The following PRKG1 variants were observed in gnomAD, a reference collection of about 807,000 sequenced individuals.
The protein encoded by PRKG1 is protein kinase cGMP-dependent 1, also known as cGMP-dependent protein kinase 1.
PRKG1 carries 35 observed loss-of-function variants against 88.1 expected under a neutral mutation model. The ratio of observed to expected loss-of-function variants is 0.40; its 90% confidence interval spans 0.30 to 0.53. The LOEUF is 0.53. PRKG1 is among the 20% of genes least tolerant of loss of function. PRKG1 has a pLI of 0.59. For synonymous variants in PRKG1, 303 were observed against 292.5 expected (o/e 1.04, Z -0.37); for missense variants, 540 against 839.8 (o/e 0.64, Z 4.41).
At chr10:52,084,169 T>C (rs1904022) in intron 7 of PRKG1, among the ~76,000 whole-genome samples, 6,982 of 152,096 alleles carry the variant, frequency 0.046, 337 homozygotes, top group East Asian at 0.28. Context: ...GCATTTAAAA[T>C]GCTTGATAGG....
At chr10:51,540,041 A>T (rs917717927) in intron 3 of PRKG1, among the ~76,000 whole-genome samples, 62 of 152,160 alleles carry the variant, frequency 4.1e-4, no homozygotes, top group African/African-American at 1.5e-3. Flanking sequence ...CTTCTCAGTT[A>T]CCTGATGTTT....
At chr10:51,248,473 T>C (rs925658607) in intron 2 of PRKG1, among the ~76,000 whole-genome samples, 1 of 151,876 alleles carries the variant, frequency 6.6e-6, no homozygotes, top group Non-Finnish European at 1.5e-5. Context: ...GATATTATAT[T>C]CAACTTCACA....
At chr10:51,743,841 A>T (rs1028067261) in intron 3 of PRKG1, among the ~76,000 whole-genome samples, 1 of 147,716 alleles carries the variant, frequency 6.8e-6, no homozygotes, top group African/African-American at 2.5e-5. Context: ...AGCAAATGTA[A>T]CAGAAAGACT....
At chr10:51,296,439 T>A (rs1840722177) in intron 2 of PRKG1, among the ~76,000 whole-genome samples, 1 of 152,258 alleles carries the variant, frequency 6.6e-6, no homozygotes, top group East Asian at 1.9e-4. Flanking sequence ...TTTATTTATT[T>A]CCTTTAGGTT....
chr10:51,586,713 G>A lies in PRKG1; in HGVS notation c.592+118877G>A, dbSNP rs191832686. On this transcript the variant is annotated intron_variant, in intron 3 of 17. Transcript: ENST00000373980. ...ATAAGTTTTTTACTGATGACAGAGA[G>A]TATCTGTGCTATTTTTCCTACTGTC... 1.2e-4 allele frequency among the ~76,000 whole-genome samples: 19 copies of A among 152,220 alleles called. No individual in the cohort carries two copies. The South Asian group carries it at 2.5e-3, about 20-fold the overall frequency.
At chr10:51,228,852 G>A (rs985396669) in intron 2 of PRKG1, among the ~76,000 whole-genome samples, 2 of 152,244 alleles carry the variant, frequency 1.3e-5, no homozygotes, top group East Asian at 1.9e-4. Context: ...AAAGCCCTAC[G>A]TGGCCTGGAT....
At chr10:51,255,937 G>T (rs1839547075) in intron 2 of PRKG1, among the ~76,000 whole-genome samples, 1 of 152,020 alleles carries the variant, frequency 6.6e-6, no homozygotes, top group African/African-American at 2.4e-5. Context: ...TGCAGATGAG[G>T]GAAATAAGGG....
chr10:51,615,869 G>T (rs1366723776), intron 3 of PRKG1, among the ~76,000 whole-genome samples: 1 of 151,800 alleles, frequency 6.6e-6, no homozygotes, highest in Admixed American at 6.6e-5. Context: ...TCATTTAGTG[G>T]TGTCATATTT....
intron 2 of PRKG1, among the ~76,000 whole-genome samples, chr10:51,380,965 T>A (rs147326812): frequency 5.9e-5 from 9 of 152,192 alleles, no homozygotes; most frequent in African/African-American, 1.7e-4. Flanking sequence ...CAGACACCCA[T>A]CTTGCAAGAC....
chr10:51,570,067 A>ATATATATATATATATATATG lies in PRKG1; in HGVS notation c.592+102232_592+102233insATATATATATATATATATGT, dbSNP rs1491310201. Among the ~76,000 whole-genome samples, 488 of 112,982 alleles carry ATATATATATATATATATATG rather than the reference A, an allele frequency of 4.3e-3. 11 individuals carry two copies. The highest frequency in any genetic ancestry group is 0.013 in the African/African-American group (371 of 27,714). 74.1% of individuals were successfully genotyped at this position (112,982 alleles called of 152,430 possible). A position where few individuals can be genotyped will look rare whatever the true frequency, so the allele number is the denominator to read the frequency against. Reference sequence around the variant, plus strand: ...CAAACTAGTATATATATATATATATATGTGTGTGTGTGTTTATATATGTAT... The same window carrying ATATATATATATATATATATG: ...CAAACTAGTATATATATATATATATATATATATATATATATATATGTGTGTGTGTGTGTTTATATATGTAT... On this transcript the variant is annotated intron_variant, in intron 3 of 17. Transcript: ENST00000373980.
chr10:51,199,426 A>G (rs1238727976), intron 2 of PRKG1, among the ~76,000 whole-genome samples: 1 of 152,214 alleles, frequency 6.6e-6, no homozygotes, highest in African/African-American at 2.4e-5. Flanking sequence ...TTCCAGGTTT[A>G]TATGTGAATT....
intron 2 of PRKG1, among the ~76,000 whole-genome samples, chr10:51,262,063 T>G (rs1248322158): frequency 6.6e-6 from 1 of 151,416 alleles, no homozygotes; most frequent in Non-Finnish European, 1.5e-5. Flanking sequence ...AATTTTTGTG[T>G]TTTTAGTAGA....
chr10:51,336,660 C>G (rs1479525153), intron 2 of PRKG1, among the ~76,000 whole-genome samples: 1 of 152,162 alleles, frequency 6.6e-6, no homozygotes, highest in Non-Finnish European at 1.5e-5. Flanking sequence ...GATGGCATTA[C>G]TTCCAACATT....
intron 5 of PRKG1, among the ~76,000 whole-genome samples, chr10:51,951,636 A>G (rs1843187345): frequency 6.6e-6 from 1 of 152,210 alleles, no homozygotes; most frequent in Non-Finnish European, 1.5e-5. Flanking sequence ...CTTAGAATTT[A>G]AAATGAGATA....
intron 2 of PRKG1, among the ~76,000 whole-genome samples, chr10:51,252,450 T>C (rs1839451015): frequency 6.6e-6 from 1 of 151,808 alleles, no homozygotes; most frequent in African/African-American, 2.4e-5. Flanking sequence ...ATAAACTTTA[T>C]CAAATTCTTC....
intron 5 of PRKG1, among the ~76,000 whole-genome samples, chr10:52,045,688 A>G (rs900155990): frequency 2.0e-5 from 3 of 152,064 alleles, no homozygotes; most frequent in African/African-American, 7.2e-5. Flanking sequence ...GAAGTCTTAG[A>G]TAACTATACT....
chr10:51,469,950 A>C (rs780961626), intron 3 of PRKG1, among the ~76,000 whole-genome samples: 3 of 151,922 alleles, frequency 2.0e-5, no homozygotes, highest in Non-Finnish European at 2.9e-5. Context: ...AGCACTATGA[A>C]GCATGAATAA....
At chr10:51,132,815 C>G (rs1295227151) in intron 1 of PRKG1, among the ~76,000 whole-genome samples, 1 of 151,058 alleles carries the variant, frequency 6.6e-6, no homozygotes, top group African/African-American at 2.4e-5. Context: ...TGTCTCTTCA[C>G]AAAAACTGAT....
intron 2 of PRKG1, among the ~76,000 whole-genome samples, chr10:51,298,923 G>T (rs147083028): frequency 6.6e-6 from 1 of 152,302 alleles, no homozygotes; most frequent in Non-Finnish European, 1.5e-5. Context: ...TCATATGGTT[G>T]CATAAATGTG....
Sources: allele counts gnomAD v4.1 joint callset (sites outside exome capture counted in the v4.1 genomes callset), GRCh38; gene constraint gnomAD v4.1.1; transcripts MANE v1.5; gene names NCBI Gene and HGNC (gene_info 2026-07-23, HGNC 2026-07-21).